The following FRAS1 variants were observed in gnomAD, a reference collection of about 807,000 sequenced individuals.
FRAS1 encodes the protein extracellular matrix organizing protein FRAS1.
FRAS1 carries 290 observed loss-of-function variants against 435.2 expected under a neutral mutation model. That is an observed-to-expected ratio of 0.67 (90% confidence interval 0.61 to 0.73). The LOEUF (loss-of-function observed/expected upper bound fraction) is 0.73, where lower values mean the gene tolerates loss of function less well. FRAS1 is among the 30% of genes least tolerant of loss of function. FRAS1 has a pLI of 0.00. For synonymous variants in FRAS1, 1,800 were observed against 1,851.0 expected (o/e 0.97, Z 0.71); for missense variants, 4,860 against 5,001.5 (o/e 0.97, Z 0.85).
In FRAS1 at chr4:78,267,225, CCT is replaced by C. The variant is rs776158553; in HGVS notation, c.790-11_790-10del. On this transcript the variant is annotated splice_polypyrimidine_tract_variant and intron_variant, in intron 8 of 73. Transcript: ENST00000512123. ...TCTCCTGAGGACTGCCCCTCACCTT[CCT>C]CTCTGTGTCCTAGGGTCAGAGCAGG... 2 of 1,611,930 alleles carry C rather than the reference CCT, an allele frequency of 1.2e-6. No individual in the cohort carries two copies. Among genetic ancestry groups the C allele is most frequent in the Non-Finnish European group, 1.7e-6 (2 of 1,179,052 alleles).
intron 2 of FRAS1, among the ~76,000 whole-genome samples, chr4:78,233,942 T>C (rs970671900): frequency 1.3e-5 from 2 of 152,198 alleles, no homozygotes; most frequent in Non-Finnish European, 2.9e-5. Flanking sequence ...TTGTGTAGCA[T>C]TGACTACAGA....
chr4:78,211,735 T>C (rs1175850924), intron 2 of FRAS1, among the ~76,000 whole-genome samples: 2 of 152,256 alleles, frequency 1.3e-5, no homozygotes, highest in Non-Finnish European at 2.9e-5. Context: ...CCATTTTAAC[T>C]GTGTAATTCA....
At chr4:78,262,228 C>T (rs532935621) in intron 6 of FRAS1, among the ~76,000 whole-genome samples, 1 of 152,220 alleles carries the variant, frequency 6.6e-6, no homozygotes, top group African/African-American at 2.4e-5. Context: ...CCATGTCTCT[C>T]TCTGACTGTG....
intron 65 of FRAS1, among the ~76,000 whole-genome samples, chr4:78,515,067 C>CAAAAAA (rs34507669): frequency 1.5e-5 from 2 of 136,526 alleles, no homozygotes; most frequent in Non-Finnish European, 1.6e-5. Flanking sequence ...GACTCCATCT[C>CAAAAAA]AAAAAAAAAA....
At chr4:78,174,042 C>G (rs1366868883) in intron 2 of FRAS1, among the ~76,000 whole-genome samples, 2 of 152,198 alleles carry the variant, frequency 1.3e-5, no homozygotes, top group Non-Finnish European at 2.9e-5. Context: ...GGTGTCTCCT[C>G]TGTCTCCCGT....
Position 78,208,094 on chromosome 4 carries a change from A to G in FRAS1, c.109-29416A>G, listed in dbSNP as rs1020476316. On this transcript the variant is annotated intron_variant, in intron 2 of 73. Coordinates refer to ENST00000512123, the MANE Select transcript of FRAS1 (RefSeq NM_025074.7). ...CTGTGCTGGTATCCACAGCTGAGAG[A>G]CCTACAGACGGTTCATATCACAGGA... Among the ~76,000 whole-genome samples the G allele has an allele frequency of 3.3e-5, 5 of 152,242 alleles. No homozygotes were observed. In the East Asian group the frequency reaches 7.7e-4, roughly 24 times the overall value.
intron 2 of FRAS1, among the ~76,000 whole-genome samples, chr4:78,103,471 T>C (rs1742234321): frequency 6.6e-6 from 1 of 152,024 alleles, no homozygotes; most frequent in Non-Finnish European, 1.5e-5. Context: ...GGGGAGAGAA[T>C]AGAGAGGTGA....
chr4:78,332,122 A>G (rs1729972331), intron 18 of FRAS1, among the ~76,000 whole-genome samples: 1 of 152,186 alleles, frequency 6.6e-6, no homozygotes, highest in African/African-American at 2.4e-5. Context: ...GACTGTCTCT[A>G]GTTGTCTAGT....
chr4:78,482,339 G>C, intron 57 of FRAS1, 49 bp from the exon 58 acceptor site: 1 of 1,610,250 alleles, frequency 6.2e-7, no homozygotes, highest in Non-Finnish European at 8.5e-7. Context: ...AGGTAAATGG[G>C]TGTTAGATGG....
At chr4:78,358,768 A>T (rs924540410) in intron 20 of FRAS1, among the ~76,000 whole-genome samples, 2 of 152,220 alleles carry the variant, frequency 1.3e-5, no homozygotes, top group African/African-American at 4.8e-5. Flanking sequence ...GAGACAAATT[A>T]TAAGTAAATA....
At position 78,354,089 on chromosome 4, in the gene FRAS1, G is replaced by A. The variant is rs143214680; in HGVS notation, c.2423-9424G>A. 2.0e-3 allele frequency among the ~76,000 whole-genome samples: 295 copies of A among 151,004 alleles called. 2 individuals carry two copies. The Middle Eastern group carries it at 0.021, about 11-fold the overall frequency. On this transcript the variant is annotated intron_variant, in intron 20 of 73. Transcript: ENST00000512123. ...GAGTGATGCTCATGACGTGTTGTTG[G>A]CAGTGCAAGCTGGCACCAAAACCTA...
intron 30 of FRAS1, among the ~76,000 whole-genome samples, chr4:78,404,078 A>G (rs1310817511): frequency 6.6e-6 from 1 of 152,228 alleles, no homozygotes; most frequent in African/African-American, 2.4e-5. Flanking sequence ...AGTAGATATG[A>G]TGAGATGGTT....
rs768286810 is a variant in FRAS1, at chr4:78,499,940, C to G, written c.9316+19C>G. 3.2e-5 allele frequency: 48 copies of G among 1,501,158 alleles called. No individual in the cohort carries two copies. The South Asian group carries it at 4.0e-4, about 13-fold the overall frequency. The allele number at this position is 1,501,158 out of a possible 1,614,324, so 93.0% of individuals were successfully genotyped here. A position where few individuals can be genotyped will look rare whatever the true frequency, so the allele number is the denominator to read the frequency against. On this transcript the variant is annotated intron_variant, in intron 61 of 73. Coordinates refer to ENST00000512123, the MANE Select transcript of FRAS1 (RefSeq NM_025074.7). ...AGTCCCGGTAATTGAATGCCAACCT[C>G]AATCTGTGGGTTTTACTTAATAGAG...
intron 45 of FRAS1, among the ~76,000 whole-genome samples, chr4:78,451,022 T>G (rs565027118): frequency 6.6e-6 from 1 of 152,192 alleles, no homozygotes; most frequent in East Asian, 1.9e-4. Context: ...CACCTAAAAT[T>G]GACAACAGCT....
intron 31 of FRAS1, among the ~76,000 whole-genome samples, chr4:78,411,061 T>G (rs971365239): frequency 6.6e-6 from 1 of 150,858 alleles, no homozygotes; most frequent in Non-Finnish European, 1.5e-5. Context: ...TTTCCTTTTT[T>G]CTTTTTTTTC....
intron 2 of FRAS1, among the ~76,000 whole-genome samples, chr4:78,225,625 C>T (rs903560798): frequency 6.6e-6 from 1 of 152,198 alleles, no homozygotes; most frequent in African/African-American, 2.4e-5. Context: ...TCTTCCGTAT[C>T]TGGGTTAGAC....
intron 2 of FRAS1, among the ~76,000 whole-genome samples, chr4:78,143,118 A>G (rs1720261977): frequency 6.6e-6 from 1 of 152,168 alleles, no homozygotes; most frequent in Admixed American, 6.5e-5. Context: ...AAAGAAACAT[A>G]TATTAAAAAT....
chr4:78,233,257 A>T (rs1401890460), intron 2 of FRAS1, among the ~76,000 whole-genome samples: 1 of 152,246 alleles, frequency 6.6e-6, no homozygotes. Flanking sequence ...TGGCGTGGCC[A>T]ACCAATGTCT....
intron 2 of FRAS1, among the ~76,000 whole-genome samples, chr4:78,230,272 G>T (rs995965326): frequency 6.6e-6 from 1 of 152,150 alleles, no homozygotes; most frequent in Non-Finnish European, 1.5e-5. Context: ...CTTTGAAATA[G>T]GTCTCAAACA....
Sources: allele counts gnomAD v4.1 joint callset (sites outside exome capture counted in the v4.1 genomes callset), GRCh38; gene constraint gnomAD v4.1.1; transcripts MANE v1.5; gene names NCBI Gene and HGNC (gene_info 2026-07-23, HGNC 2026-07-21).